Variants in CTNNA3 observed in about 807,000 individuals in gnomAD.
CTNNA3 encodes catenin alpha 3.
A neutral mutation model predicts 95.7 loss-of-function variants in CTNNA3; 76 were observed. That is an observed-to-expected ratio of 0.79 (90% CI 0.66 to 0.96). CTNNA3 has a LOEUF of 0.96. CTNNA3 is among the 40% of genes least tolerant of loss of function. The probability of loss-of-function intolerance (pLI) is 0.00; values close to 1 mark genes in which losing one functional copy is unlikely to be tolerated. For missense variants in CTNNA3, 1,191 were observed against 1,089.8 expected, an observed-to-expected ratio of 1.09 and a Z score of -1.31; for synonymous variants, 431 against 374.4, an observed-to-expected ratio of 1.15 and a Z score of -1.74.
chr10:67,721,292 A>C (rs1046502325), intron 1 of CTNNA3, among the ~76,000 whole-genome samples: 1 of 151,962 alleles, frequency 6.6e-6, no homozygotes, highest in Non-Finnish European at 1.5e-5. Context: ...TTTCAGGTAC[A>C]CCAATCAAAC....
At chr10:67,081,032 C>T (rs951058225) in intron 7 of CTNNA3, among the ~76,000 whole-genome samples, 1 of 151,656 alleles carries the variant, frequency 6.6e-6, no homozygotes, top group African/African-American at 2.4e-5. Flanking sequence ...TTATATTTAC[C>T]CTAGTTGGAT....
intron 1 of CTNNA3, among the ~76,000 whole-genome samples, chr10:67,684,564 T>A (rs1351319754): frequency 6.6e-6 from 1 of 152,202 alleles, no homozygotes; most frequent in Non-Finnish European, 1.5e-5. Context: ...AATTGGGCGA[T>A]GACCGCTCTA....
At chr10:67,707,589 T>A (rs939323889) in intron 1 of CTNNA3, among the ~76,000 whole-genome samples, 4 of 152,184 alleles carry the variant, frequency 2.6e-5, no homozygotes, top group East Asian at 1.9e-4. Flanking sequence ...TGCATTTTTT[T>A]AATTTGTTTA....
At chr10:66,264,577 A>G (rs1470353128) in intron 13 of CTNNA3, among the ~76,000 whole-genome samples, 1 of 152,026 alleles carries the variant, frequency 6.6e-6, no homozygotes. Flanking sequence ...GAGATATTTT[A>G]TATCATTTTT....
chr10:67,684,829 G>A (rs1840699398), intron 1 of CTNNA3, among the ~76,000 whole-genome samples: 1 of 152,234 alleles, frequency 6.6e-6, no homozygotes, highest in Non-Finnish European at 1.5e-5. Context: ...CAAGATTGCT[G>A]TCATGGGACC....
At chr10:67,111,602 A>G (rs1339850885) in intron 7 of CTNNA3, among the ~76,000 whole-genome samples, 1 of 152,042 alleles carries the variant, frequency 6.6e-6, no homozygotes, top group African/African-American at 2.4e-5. Flanking sequence ...AAAATATATC[A>G]AGATTATTTT....
chr10:66,185,591 G>T (rs1398075183), intron 13 of CTNNA3, among the ~76,000 whole-genome samples: 2 of 151,974 alleles, frequency 1.3e-5, no homozygotes, highest in African/African-American at 4.8e-5. Flanking sequence ...AGAGAAGCTT[G>T]CTCTCCTACG....
chr10:67,549,165 C>CA (rs958533136), intron 3 of CTNNA3, among the ~76,000 whole-genome samples: 30 of 148,732 alleles, frequency 2.0e-4, no homozygotes, highest in South Asian at 1.3e-3. Flanking sequence ...CAGAGGGGAC[C>CA]AAAAAAAAAT....
chr10:66,139,016 T>TC, intron 13 of CTNNA3, among the ~76,000 whole-genome samples: 1 of 152,298 alleles, frequency 6.6e-6, no homozygotes, highest in South Asian at 2.1e-4. Flanking sequence ...AGCCAAAGTT[T>TC]CCCCCAGGCT....
chr10:66,509,271 T>C (rs951892750), intron 11 of CTNNA3, among the ~76,000 whole-genome samples: 1 of 152,118 alleles, frequency 6.6e-6, no homozygotes, highest in East Asian at 1.9e-4. Context: ...TCATTATATA[T>C]CATGGATAGT....
intron 6 of CTNNA3, among the ~76,000 whole-genome samples, chr10:67,213,568 A>T (rs1182122319): frequency 2.0e-5 from 3 of 151,786 alleles, no homozygotes; most frequent in Non-Finnish European, 4.4e-5. Flanking sequence ...TAATATAAGC[A>T]TGTATAGGTG....
intron 5 of CTNNA3, among the ~76,000 whole-genome samples, chr10:67,424,887 C>A (rs1167162456): frequency 2.0e-5 from 3 of 152,076 alleles, no homozygotes; most frequent in Non-Finnish European, 4.4e-5. Context: ...CATAGGTCTG[C>A]TAACTTTCCC....
chr10:67,690,955 G>T (rs1039098877), intron 1 of CTNNA3, among the ~76,000 whole-genome samples: 2 of 152,148 alleles, frequency 1.3e-5, no homozygotes, highest in Middle Eastern at 3.2e-3. Context: ...GAAGCTGGAC[G>T]GTACTGCTGC....
chr10:67,412,830 A>G (rs1276465486), intron 5 of CTNNA3, among the ~76,000 whole-genome samples: 6 of 152,160 alleles, frequency 3.9e-5, no homozygotes, highest in Non-Finnish European at 8.8e-5. Context: ...TTTAAACTAG[A>G]GTAGCCTTAC....
chr10:67,004,228 A>C (rs1851845152), intron 7 of CTNNA3, among the ~76,000 whole-genome samples: 1 of 152,204 alleles, frequency 6.6e-6, no homozygotes, highest in Non-Finnish European at 1.5e-5. Flanking sequence ...TTCTACAAAA[A>C]AGTTTCAGAG....
chr10:66,912,270 T>C (rs997945722), intron 7 of CTNNA3, among the ~76,000 whole-genome samples: 4 of 152,162 alleles, frequency 2.6e-5, no homozygotes, highest in African/African-American at 9.6e-5. Flanking sequence ...TCAGGTTTTC[T>C]AGTTTTTTAC....
chr10:66,238,733 A>T (rs2089979592), intron 13 of CTNNA3, among the ~76,000 whole-genome samples: 1 of 151,896 alleles, frequency 6.6e-6, no homozygotes, highest in African/African-American at 2.4e-5. Flanking sequence ...AAACACTTGA[A>T]ATAGTTATCT....
intron 1 of CTNNA3, among the ~76,000 whole-genome samples, chr10:67,721,132 G>A (rs777551583): frequency 6.6e-6 from 1 of 152,000 alleles, no homozygotes; most frequent in Non-Finnish European, 1.5e-5. Context: ...TGTATTATGT[G>A]TCTTAGGGTT....
intron 7 of CTNNA3, among the ~76,000 whole-genome samples, chr10:67,052,005 T>A (rs1157050502): frequency 6.6e-6 from 1 of 151,996 alleles, no homozygotes; most frequent in Admixed American, 6.5e-5. Flanking sequence ...CCCGCCCACC[T>A]CAGCCTCCCA....
Sources: allele counts gnomAD v4.1 joint callset (sites outside exome capture counted in the v4.1 genomes callset), GRCh38; gene constraint gnomAD v4.1.1; transcripts MANE v1.5; gene names NCBI Gene and HGNC (gene_info 2026-07-23, HGNC 2026-07-21).